Variants in NUDT5 observed in about 807,000 individuals in gnomAD.
NUDT5 encodes nudix hydrolase 5.
NUDT5 carries 21 observed loss-of-function variants against 34.1 expected under a neutral mutation model. The ratio of observed to expected loss-of-function variants is 0.62; its 90% confidence interval spans 0.44 to 0.89. The LOEUF is 0.89. Among genes scored for constraint, NUDT5 ranks in the 40% least tolerant of loss-of-function variants. The probability of loss-of-function intolerance (pLI) is 0.00; values close to 1 mark genes in which losing one functional copy is unlikely to be tolerated. For synonymous variants in NUDT5, 85 were observed against 97.6 expected, an observed-to-expected ratio of 0.87 and a Z score of 0.76; for missense variants, 249 against 274.8, an observed-to-expected ratio of 0.91 and a Z score of 0.66.
At chr10:12,191,578 T>C (rs1344947610) in intron 1 of NUDT5, among the ~76,000 whole-genome samples, 1 of 152,092 alleles carries the variant, frequency 6.6e-6, no homozygotes, top group Admixed American at 6.5e-5. Flanking sequence ...CAAATTACTG[T>C]TGTGATATGA....
chr10:12,169,231 A>T lies in NUDT5; in HGVS notation c.551-1420T>A. 1 of 1,487,584 alleles carries T rather than the reference A, an allele frequency of 6.7e-7. No individual in the cohort carries two copies. The highest frequency in any genetic ancestry group is 1.7e-4 in the Middle Eastern group (1 of 5,862). 92.1% of individuals were successfully genotyped at this position (1,487,584 alleles called of 1,614,324 possible). A position where few individuals can be genotyped will look rare whatever the true frequency, so the allele number is the denominator to read the frequency against. On this transcript the variant is annotated intron_variant, in intron 9 of 9. Transcript: ENST00000491614. The surrounding 1 kb of genome is among the most constrained non-coding windows in gnomAD (Gnocchi z 4.8). ...GCCCTCTCTCCACCTCCCCTCACTT[A>T]TTCTATTTTTTTCTCCCTTTTCTAA...
At position 12,169,321 on chromosome 10, in the gene NUDT5, C is replaced by T; in HGVS notation, c.550+1396G>A. On this transcript the variant is annotated intron_variant, in intron 9 of 9. Coordinates refer to ENST00000491614, the MANE Select transcript of NUDT5 (RefSeq NM_014142.4). The surrounding 1 kb of genome is among the most constrained non-coding windows in gnomAD (Gnocchi z 4.8). ...GACATTTTACAAAAAGGATACTCTT[C>T]TACTAAAAGATAACCCCGCACGGCA... The T allele has an allele frequency of 6.4e-7, 1 of 1,553,256 alleles. No homozygotes were observed. Among genetic ancestry groups the T allele is most frequent in the South Asian group, 1.2e-5 (1 of 83,956 alleles).
In NUDT5 at chr10:12,169,501, C is replaced by T; in HGVS notation, c.550+1216G>A. The stretch of plus-strand genomic sequence containing the variant: ...CCGCGGAGCCTCAAACCGAGTCGGG[C>T]CTGTGACTCCGAGCTGCGCTGCCTC... On this transcript the variant is annotated intron_variant, in intron 9 of 9. Coordinates refer to ENST00000491614, the MANE Select transcript of NUDT5 (RefSeq NM_014142.4). This position sits in a 1 kb window ranked among gnomAD's most constrained non-coding sequence, Gnocchi z 4.8. 5.5e-6 allele frequency: 3 copies of T among 543,182 alleles called. No individual in the cohort carries two copies. The highest frequency in any genetic ancestry group is 9.7e-6 in the Non-Finnish European group (3 of 307,860). 33.6% of individuals were successfully genotyped at this position (543,182 alleles called of 1,614,324 possible).
At position 12,169,324 on chromosome 10, in the gene NUDT5, C is replaced by T. The variant is rs1267568542; in HGVS notation, c.550+1393G>A. On this transcript the variant is annotated intron_variant, in intron 9 of 9. Coordinates refer to ENST00000491614, the MANE Select transcript of NUDT5 (RefSeq NM_014142.4). The surrounding 1 kb of genome is among the most constrained non-coding windows in gnomAD (Gnocchi z 4.8). The stretch of plus-strand genomic sequence containing the variant: ...ATTTTACAAAAAGGATACTCTTCTA[C>T]TAAAAGATAACCCCGCACGGCATTT... 1 of 1,552,460 alleles carries T rather than the reference C, an allele frequency of 6.4e-7. No homozygotes were observed. The highest frequency in any genetic ancestry group is 8.7e-7 in the Non-Finnish European group (1 of 1,146,018).
rs966481523 is a variant in NUDT5, at chr10:12,171,539, A to C, written c.488-631T>G. 6.6e-6 allele frequency among the ~76,000 whole-genome samples: 1 copy of C among 152,132 alleles called. No homozygotes were observed. ...GCCATGAACACAGGCACGCAAGTAT[A>C]TGAGTCCCTGTTTCACTTCTTCTGG... is the stretch of plus-strand genomic sequence containing the variant. On this transcript the variant is annotated intron_variant, in intron 7 of 9. Coordinates refer to ENST00000491614, the MANE Select transcript of NUDT5 (RefSeq NM_014142.4). This position sits in a 1 kb window ranked among gnomAD's most constrained non-coding sequence, Gnocchi z 4.2.
chr10:12,184,315 C>G (rs1835090640), intron 3 of NUDT5, among the ~76,000 whole-genome samples: 1 of 150,918 alleles, frequency 6.6e-6, no homozygotes, highest in South Asian at 2.1e-4. Context: ...CCACCCTTGG[C>G]CTCCCAAAGT....
intron 1 of NUDT5, among the ~76,000 whole-genome samples, chr10:12,186,781 C>G (rs925464851): frequency 3.3e-5 from 5 of 151,988 alleles, no homozygotes; most frequent in African/African-American, 1.2e-4. Flanking sequence ...GCATACATCA[C>G]CAGGCCTGGT....
At position 12,171,000 on chromosome 10, in the gene NUDT5, A is replaced by G; in HGVS notation, c.488-92T>C. 7.5e-7 allele frequency: 1 copy of G among 1,333,546 alleles called. No individual in the cohort carries two copies. Among genetic ancestry groups the G allele is most frequent in the East Asian group, 2.4e-5 (1 of 41,066 alleles). The allele number at this position is 1,333,546 out of a possible 1,614,324, so 82.6% of individuals were successfully genotyped here. A position where few individuals can be genotyped will look rare whatever the true frequency, so the allele number is the denominator to read the frequency against. ...CAAGAGGCGTCAAAAAGGCTTTGAG[A>G]ATTTCACAGAAGCCTGGGTTTCTGC... On this transcript the variant is annotated intron_variant, in intron 7 of 9. Coordinates refer to ENST00000491614, the MANE Select transcript of NUDT5 (RefSeq NM_014142.4). This position sits in a 1 kb window ranked among gnomAD's most constrained non-coding sequence, Gnocchi z 4.9.
Position 12,173,919 on chromosome 10 carries a change from T to C in NUDT5, c.290-106A>G. 1.2e-6 allele frequency: 1 copy of C among 808,770 alleles called. No homozygotes were observed. The highest frequency in any genetic ancestry group is 2.1e-6 in the Non-Finnish European group (1 of 472,416). 50.1% of individuals were successfully genotyped at this position (808,770 alleles called of 1,614,324 possible). Reference sequence around the variant, plus strand: ...TCTCACTCTGTCGCCCAGGCTGGAGTGCAGTGGTGCGATCTCGGCCCACTG... The same window carrying C: ...TCTCACTCTGTCGCCCAGGCTGGAGCGCAGTGGTGCGATCTCGGCCCACTG... On this transcript the variant is annotated intron_variant, in intron 5 of 9. Coordinates refer to ENST00000491614, the MANE Select transcript of NUDT5 (RefSeq NM_014142.4). The surrounding 1 kb of genome is among the most constrained non-coding windows in gnomAD (Gnocchi z 4.7).
Position 12,171,125 on chromosome 10 carries a change from A to G in NUDT5, c.488-217T>C, listed in dbSNP as rs1047096105. ...ATTTAAAGCATATTCGATAGTATGT[A>G]TATTTTTATAGATATGAATCTGCGT... On this transcript the variant is annotated intron_variant, in intron 7 of 9. Coordinates refer to ENST00000491614, the MANE Select transcript of NUDT5 (RefSeq NM_014142.4). This position sits in a 1 kb window ranked among gnomAD's most constrained non-coding sequence, Gnocchi z 4.2. Among the ~76,000 whole-genome samples the G allele has an allele frequency of 1.3e-5, 2 of 152,370 alleles. No individual in the cohort carries two copies. The highest frequency in any genetic ancestry group is 4.8e-5 in the African/African-American group (2 of 41,584).
At position 12,187,583 on chromosome 10, in the gene NUDT5, T is replaced by C. The variant is rs1451285763; in HGVS notation, c.-41-1251A>G. Among the ~76,000 whole-genome samples, 1 of 152,226 alleles carries C rather than the reference T, an allele frequency of 6.6e-6. No individual in the cohort carries two copies. Among genetic ancestry groups the C allele is most frequent in the Non-Finnish European group, 1.5e-5 (1 of 68,028 alleles). Reference sequence around the variant, plus strand: ...AGAATTATAGACCCAAAGCCAGTTGTCTATGAAACTGTAAGGCATTGCTTA... The same window carrying C: ...AGAATTATAGACCCAAAGCCAGTTGCCTATGAAACTGTAAGGCATTGCTTA... On this transcript the variant is annotated intron_variant, in intron 1 of 9. Transcript: ENST00000491614. The surrounding 1 kb of genome is among the most constrained non-coding windows in gnomAD (Gnocchi z 5.4).
chr10:12,174,997 C>T lies in NUDT5; in HGVS notation c.290-1184G>A, dbSNP rs570936974. On this transcript the variant is annotated intron_variant, in intron 5 of 9. Transcript: ENST00000491614. ...CCAAGGAAGAGGAAGGGAGCAGCAA[C>T]GCAGACTCTTTTTCCTGAAAGGAAT... Among the ~76,000 whole-genome samples, 8 of 152,150 alleles carry T rather than the reference C, an allele frequency of 5.3e-5. No homozygotes were observed. The South Asian group carries it at 1.0e-3, about 20-fold the overall frequency.
At chr10:12,194,745 T>G (rs1239911206) in intron 1 of NUDT5, among the ~76,000 whole-genome samples, 1 of 152,196 alleles carries the variant, frequency 6.6e-6, no homozygotes, top group Non-Finnish European at 1.5e-5. Flanking sequence ...TGGGGCTGTT[T>G]CTAATTTAAA....
Position 12,168,015 on chromosome 10 carries a change from T to A in NUDT5, c.551-204A>T. The A allele has an allele frequency of 5.3e-6, 5 of 950,044 alleles. No homozygotes were observed. Among genetic ancestry groups the A allele is most frequent in the Non-Finnish European group, 7.0e-6 (5 of 709,536 alleles). 58.9% of individuals were successfully genotyped at this position (950,044 alleles called of 1,614,324 possible). ...ACATTCCTAGCATGAGACAAGAACA[T>A]CAGGGATAATGATTTTTTTTTTTTT... On this transcript the variant is annotated intron_variant, in intron 9 of 9. Transcript: ENST00000491614. The surrounding 1 kb of genome is among the most constrained non-coding windows in gnomAD (Gnocchi z 4.8).
In NUDT5 at chr10:12,187,261, C is replaced by T. The variant is rs1835145046; in HGVS notation, c.-41-929G>A. On this transcript the variant is annotated intron_variant, in intron 1 of 9. Coordinates refer to ENST00000491614, the MANE Select transcript of NUDT5 (RefSeq NM_014142.4). The surrounding 1 kb of genome is among the most constrained non-coding windows in gnomAD (Gnocchi z 5.4). The stretch of plus-strand genomic sequence containing the variant: ...GTTTCACAGGCTGGTCTCAGACTCC[C>T]GGGCTCAAGCGATCCTCCTCCCGCC... 2.0e-5 allele frequency among the ~76,000 whole-genome samples: 3 copies of T among 151,590 alleles called. No individual in the cohort carries two copies. The highest frequency in any genetic ancestry group is 4.8e-5 in the African/African-American group (2 of 41,272).
chr10:12,170,246 A>C lies in NUDT5; in HGVS notation c.550+471T>G. 3 of 1,529,682 alleles carry C rather than the reference A, an allele frequency of 2.0e-6. No homozygotes were observed. In the Admixed American group the frequency reaches 5.0e-5, roughly 26 times the overall value. The allele number at this position is 1,529,682 out of a possible 1,614,324, so 94.8% of individuals were successfully genotyped here. On this transcript the variant is annotated intron_variant, in intron 9 of 9. Transcript: ENST00000491614. The surrounding 1 kb of genome is among the most constrained non-coding windows in gnomAD (Gnocchi z 4.9). Reference sequence around the variant, plus strand: ...ACAGCTGGTTTGGTTTATTATGTGAAAAGCATATCACACGGAGTATACAGG... The same window carrying C: ...ACAGCTGGTTTGGTTTATTATGTGACAAGCATATCACACGGAGTATACAGG...
rs753559256 is a variant in NUDT5 at position 12,173,853 on chromosome 10, C to T, written c.290-40G>A. On this transcript the variant is annotated intron_variant, in intron 5 of 9. Coordinates refer to ENST00000491614, the MANE Select transcript of NUDT5 (RefSeq NM_014142.4). The surrounding 1 kb of genome is among the most constrained non-coding windows in gnomAD (Gnocchi z 4.7). ...CATTGGTGTGATGGGAGCGGGAAAT[C>T]CGGTTCTTTAAACCCTCCTTTTTTT... is the stretch of plus-strand genomic sequence containing the variant. The T allele has an allele frequency of 3.7e-5, 53 of 1,447,950 alleles. No homozygotes were observed. In the Admixed American group the frequency reaches 9.7e-4, roughly 27 times the overall value. The allele number at this position is 1,447,950 out of a possible 1,614,324, so 89.7% of individuals were successfully genotyped here.
chr10:12,190,136 G>A (rs557977959), intron 1 of NUDT5, among the ~76,000 whole-genome samples: 1 of 152,240 alleles, frequency 6.6e-6, no homozygotes, highest in Admixed American at 6.5e-5. Flanking sequence ...TGATCCACCC[G>A]CCTCGGCCTG....
chr10:12,185,581 G>A (rs3780866), intron 2 of NUDT5, among the ~76,000 whole-genome samples: 24,463 of 152,216 alleles, frequency 0.16, 2,502 homozygotes, highest in Non-Finnish European at 0.23. Context: ...GCGTCACTGC[G>A]TATAAAGCAG....
Sources: allele counts gnomAD v4.1 joint callset (sites outside exome capture counted in the v4.1 genomes callset), GRCh38; gene constraint gnomAD v4.1.1; non-coding constraint Gnocchi (gnomAD v3.1); transcripts MANE v1.5; gene names NCBI Gene and HGNC (gene_info 2026-07-23, HGNC 2026-07-21).